ALDH2: variants seen among roughly 807,000 people sequenced by gnomAD.
The protein encoded by ALDH2 is aldehyde dehydrogenase, mitochondrial.
A neutral mutation model predicts 59.6 loss-of-function variants in ALDH2; 44 were observed. That is an observed-to-expected ratio of 0.74 (90% CI 0.58 to 0.95). The LOEUF (loss-of-function observed/expected upper bound fraction) is 0.95. Among genes scored for constraint, ALDH2 ranks in the 40% least tolerant of loss-of-function variants. The pLI is 0.00. For synonymous variants in ALDH2, 291 were observed against 284.0 expected, an observed-to-expected ratio of 1.02 and a Z score of -0.25; for missense variants, 570 against 696.3, an observed-to-expected ratio of 0.82 and a Z score of 2.04.
intron 7 of ALDH2, 52 bp from the exon 8 acceptor site, chr12:111,792,009 G>T (rs1191356079): frequency 6.0e-6 from 7 of 1,165,096 alleles, no homozygotes; most frequent in African/African-American, 1.5e-5. Flanking sequence ...TAGAGTGCTG[G>T]ACTCTTTTCT....
intron 1 of ALDH2, among the ~76,000 whole-genome samples, chr12:111,768,078 G>A (rs2068172856): frequency 6.6e-6 from 1 of 152,160 alleles, no homozygotes; most frequent in Admixed American, 6.5e-5. Flanking sequence ...CAGTAGGAAG[G>A]GACTGTAATT....
At chr12:111,785,246 C>G in intron 3 of ALDH2, 21 bp from the exon 4 acceptor site, 1 of 1,598,112 alleles carries the variant, frequency 6.3e-7, no homozygotes, top group East Asian at 2.2e-5. Flanking sequence ...CATGTCTCTG[C>G]TGACCTTGTT....
intron 12 of ALDH2, among the ~76,000 whole-genome samples, chr12:111,805,705 G>C (rs2068488349): frequency 1.3e-5 from 2 of 152,144 alleles, no homozygotes; most frequent in South Asian, 4.1e-4. Context: ...CGATTAATTT[G>C]GCAATGTAGC....
intron 1 of ALDH2, among the ~76,000 whole-genome samples, chr12:111,771,034 C>G (rs74849450): frequency 0.18 from 27,094 of 151,828 alleles, 2,510 homozygotes; most frequent in Middle Eastern, 0.27. Flanking sequence ...CCCTCCTTGG[C>G]CTCCCAAAGT....
At chr12:111,791,541 C>A in intron 7 of ALDH2, 122 bp downstream of exon 7, 1 of 741,336 alleles carries the variant, frequency 1.3e-6, no homozygotes, top group Non-Finnish European at 2.3e-6. Context: ...TCCAGGACGA[C>A]CCTGTAGGTA....
At chr12:111,780,519 G>T (rs2068263829) in intron 1 of ALDH2, among the ~76,000 whole-genome samples, 1 of 152,086 alleles carries the variant, frequency 6.6e-6, no homozygotes, top group African/African-American at 2.4e-5. Context: ...TGGTCCTCCG[G>T]CTCTTCCTGT....
rs1040385900 is a variant in ALDH2, at chr12:111,812,043, CAG to C, written c.*2469_*2470del. 5 of 153,582 alleles carry C rather than the reference CAG, an allele frequency of 3.3e-5. No homozygotes were observed. The allele number at this position is 153,582 out of a possible 1,614,324, so 9.5% of individuals were successfully genotyped here. On this transcript the variant is annotated 3_prime_UTR_variant, in exon 13 of 13. Coordinates refer to ENST00000261733, the MANE Select transcript of ALDH2 (RefSeq NM_000690.4). The stretch of plus-strand genomic sequence containing the variant: ...TCACGTGGGTCACGTGTCCACTGGA[CAG>C]GGGGCCCTTCCCTGCCTGGCAGCCA...
intron 12 of ALDH2, among the ~76,000 whole-genome samples, chr12:111,807,791 C>A (rs1394434750): frequency 6.6e-6 from 1 of 151,828 alleles, no homozygotes; most frequent in Non-Finnish European, 1.5e-5. Context: ...CCCTTGTTGG[C>A]CATGATGTGG....
intron 10 of ALDH2, 110 bp downstream of exon 10, chr12:111,798,352 T>A: frequency 8.2e-7 from 1 of 1,224,950 alleles, no homozygotes; most frequent in Non-Finnish European, 1.1e-6. Flanking sequence ...GGGCCAGATC[T>A]CAAGTTATAC....
chr12:111,808,857 G>T (rs1197838608), intron 12 of ALDH2, among the ~76,000 whole-genome samples: 1 of 152,066 alleles, frequency 6.6e-6, no homozygotes, highest in Admixed American at 6.6e-5. Context: ...AGAAAAGAGG[G>T]TATATGTGAC....
intron 1 of ALDH2, among the ~76,000 whole-genome samples, chr12:111,776,395 A>C (rs2068235810): frequency 6.6e-6 from 1 of 152,134 alleles, no homozygotes. Context: ...ATCAGCCCCC[A>C]GAAGTACTCG....
At chr12:111,783,385 G>A in intron 3 of ALDH2, 87 bp downstream of exon 3, 1 of 1,483,840 alleles carries the variant, frequency 6.7e-7, no homozygotes, top group African/African-American at 1.4e-5. Flanking sequence ...CAAGCATCCT[G>A]TGAACAGCCA....
chr12:111,780,970 G>C (rs1335754883), intron 1 of ALDH2, among the ~76,000 whole-genome samples: 1 of 152,018 alleles, frequency 6.6e-6, no homozygotes, highest in Non-Finnish European at 1.5e-5. Context: ...TTAGCCAGGC[G>C]TAGTGGCGTG....
intron 1 of ALDH2, among the ~76,000 whole-genome samples, chr12:111,774,407 C>T (rs575558603): frequency 9.9e-5 from 15 of 152,262 alleles, no homozygotes; most frequent in Non-Finnish European, 1.6e-4. Flanking sequence ...ATCACCTAAC[C>T]GCAGATTAGC....
chr12:111,787,565 G>A (rs1458380494), intron 4 of ALDH2, among the ~76,000 whole-genome samples: 1 of 152,174 alleles, frequency 6.6e-6, no homozygotes, highest in Non-Finnish European at 1.5e-5. Flanking sequence ...CAGAGGTGGT[G>A]GGGAGGAAGC....
chr12:111,793,596 T>A (rs1431492662), intron 9 of ALDH2, among the ~76,000 whole-genome samples: 3 of 151,702 alleles, frequency 2.0e-5, no homozygotes, highest in Non-Finnish European at 2.9e-5. Flanking sequence ...TTTTTTTTTT[T>A]AATTTTTATT....
rs2068566793 is a variant in ALDH2 at position 111,815,844 on chromosome 12, C to T, written c.*6269C>T. On this transcript the variant is annotated 3_prime_UTR_variant, in exon 13 of 13. Transcript: ENST00000261733. Reference sequence around the variant, plus strand: ...GTCTTGCTATGTTGCTCAGGCTGGTCTCGAACTCCTGGCCTCAAGTCATCC... The same window carrying T: ...GTCTTGCTATGTTGCTCAGGCTGGTTTCGAACTCCTGGCCTCAAGTCATCC... 1 of 149,528 alleles carries T rather than the reference C, an allele frequency of 6.7e-6. No homozygotes were observed. Among genetic ancestry groups the T allele is most frequent in the South Asian group, 2.1e-4 (1 of 4,732 alleles). 9.3% of individuals were successfully genotyped at this position (149,528 alleles called of 1,614,324 possible).
chr12:111,786,267 C>T (rs1311615451), intron 4 of ALDH2, among the ~76,000 whole-genome samples: 5 of 152,112 alleles, frequency 3.3e-5, no homozygotes, highest in Admixed American at 6.6e-5. Context: ...GATGGAGTCT[C>T]GCTCTGTTGC....
intron 4 of ALDH2, among the ~76,000 whole-genome samples, chr12:111,786,470 T>G (rs2068310172): frequency 6.6e-6 from 1 of 152,136 alleles, no homozygotes; most frequent in African/African-American, 2.4e-5. Context: ...TCTCCTGACC[T>G]TGTGATCCAC....
Sources: gnomAD v4.1 joint callset for allele counts (sites outside exome capture counted in the v4.1 genomes callset) on GRCh38, gnomAD v4.1.1 for gene constraint, MANE v1.5 for transcripts, NCBI Gene and HGNC (gene_info 2026-07-23, HGNC 2026-07-21) for gene names.